Variants in NRG1 observed in about 807,000 individuals in gnomAD.
NRG1 encodes the protein neuregulin 1.
Under a neutral mutation model 63.8 loss-of-function variants are expected in NRG1, and 18 were observed. That is an observed-to-expected ratio of 0.28 (90% CI 0.19 to 0.42). The LOEUF (loss-of-function observed/expected upper bound fraction) is 0.42. NRG1 is among the 10% of genes least tolerant of loss of function. The pLI is 1.00. For missense variants in NRG1, 762 were observed against 814.7 expected, an observed-to-expected ratio of 0.94 and a Z score of 0.79; for synonymous variants, 302 against 301.3, an observed-to-expected ratio of 1.00 and a Z score of -0.02.
chr8:32,647,233 T>TGCC (rs1361510501), intron 5 of NRG1: 16 of 985,222 alleles, frequency 1.6e-5, no homozygotes, highest in Non-Finnish European at 1.9e-5. Flanking sequence ...CTGCCTCTCC[T>TGCC]GCCGCCGCTG....
intron 1 of NRG1, among the ~76,000 whole-genome samples, chr8:32,256,189 A>G (rs971374207): frequency 6.6e-6 from 1 of 152,098 alleles, no homozygotes; most frequent in African/African-American, 2.4e-5. Flanking sequence ...AATTCTGTCA[A>G]TTCATCAAAC....
At chr8:32,105,063 G>A (rs912890951) in intron 1 of NRG1, among the ~76,000 whole-genome samples, 4 of 152,246 alleles carry the variant, frequency 2.6e-5, no homozygotes, top group Non-Finnish European at 4.4e-5. Flanking sequence ...ACTCATACAA[G>A]TGGTAGTGCA....
At chr8:31,835,117 C>A (rs1257533965) in intron 1 of NRG1, among the ~76,000 whole-genome samples, 1 of 152,078 alleles carries the variant, frequency 6.6e-6, no homozygotes, top group Non-Finnish European at 1.5e-5. Flanking sequence ...TTAGTGGATG[C>A]CAGTATACTA....
intron 1 of NRG1, among the ~76,000 whole-genome samples, chr8:31,973,828 G>A (rs1360398565): frequency 1.3e-5 from 2 of 152,150 alleles, no homozygotes; most frequent in Non-Finnish European, 2.9e-5. Flanking sequence ...AACCAGTGAA[G>A]ACTCATTAAG....
chr8:32,442,045 CTT>C (rs1264963482), intron 1 of NRG1, among the ~76,000 whole-genome samples: 2 of 152,106 alleles, frequency 1.3e-5, no homozygotes, highest in Admixed American at 6.6e-5. Flanking sequence ...ATAAAAAAGA[CTT>C]TATCTCACTA....
At chr8:31,676,866 T>C (rs1226402886) in intron 1 of NRG1, among the ~76,000 whole-genome samples, 1 of 152,192 alleles carries the variant, frequency 6.6e-6, no homozygotes, top group African/African-American at 2.4e-5. Context: ...ACATGGGAAG[T>C]TGTAGAAATG....
intron 5 of NRG1, among the ~76,000 whole-genome samples, chr8:32,708,517 A>G (rs938590422): frequency 6.6e-6 from 1 of 152,222 alleles, no homozygotes; most frequent in Admixed American, 6.5e-5. Flanking sequence ...TGAATAAGAC[A>G]TTTGAGTAGG....
chr8:31,847,010 C>T (rs1206826437), intron 1 of NRG1, among the ~76,000 whole-genome samples: 5 of 152,220 alleles, frequency 3.3e-5, no homozygotes, highest in Non-Finnish European at 7.4e-5. Flanking sequence ...ATTTTATTCT[C>T]CTATGTGATT....
At chr8:31,701,565 C>T (rs1221576766) in intron 1 of NRG1, among the ~76,000 whole-genome samples, 2 of 151,828 alleles carry the variant, frequency 1.3e-5, no homozygotes, top group African/African-American at 4.8e-5. Flanking sequence ...AATGTGAGCC[C>T]TGGGTAAGGT....
At chr8:31,978,022 A>G (rs1323494297) in intron 1 of NRG1, among the ~76,000 whole-genome samples, 1 of 152,120 alleles carries the variant, frequency 6.6e-6, no homozygotes, top group African/African-American at 2.4e-5. Flanking sequence ...GCCCTCTCAA[A>G]TGTAACAGGA....
intron 1 of NRG1, among the ~76,000 whole-genome samples, chr8:32,569,526 G>C (rs1244469240): frequency 6.6e-6 from 1 of 152,080 alleles, no homozygotes; most frequent in South Asian, 2.1e-4. Flanking sequence ...AAAAAGAAAA[G>C]ATTATATAGT....
intron 1 of NRG1, among the ~76,000 whole-genome samples, chr8:31,988,290 G>T (rs945669126): frequency 6.6e-6 from 1 of 152,024 alleles, no homozygotes. Context: ...TTCAGAGTTC[G>T]ACCATAACTA....
rs1479411058 is a variant in NRG1, at chr8:32,564,343, A to T, written c.100+15517A>T. 2.6e-5 allele frequency among the ~76,000 whole-genome samples: 4 copies of T among 152,224 alleles called. 1 individual carries two copies. The highest frequency in any genetic ancestry group is 2.6e-4 in the Admixed American group (4 of 15,282). On this transcript the variant is annotated intron_variant, in intron 1 of 11. Coordinates refer to ENST00000356819, the Ensembl canonical transcript of NRG1. ...CCTGGAGGTTCGTTCATTTATTGCCAGGAAAGAATCAATCCCACTTTTTTT... is the reference window on the plus strand; with the variant it reads ...CCTGGAGGTTCGTTCATTTATTGCCTGGAAAGAATCAATCCCACTTTTTTT...
chr8:32,747,363 C>G (rs898902377), intron 7 of NRG1, among the ~76,000 whole-genome samples: 1 of 151,848 alleles, frequency 6.6e-6, no homozygotes, highest in Non-Finnish European at 1.5e-5. Flanking sequence ...CTGGGTCCCA[C>G]CTTCATGGAA....
intron 1 of NRG1, among the ~76,000 whole-genome samples, chr8:32,201,566 T>C (rs909472318): frequency 6.6e-6 from 1 of 152,202 alleles, no homozygotes; most frequent in African/African-American, 2.4e-5. Context: ...TCTCCAGTGA[T>C]AAGGAATTTA....
At chr8:32,615,083 G>T (rs1225666610) in intron 4 of NRG1, among the ~76,000 whole-genome samples, 1 of 152,072 alleles carries the variant, frequency 6.6e-6, no homozygotes, top group East Asian at 1.9e-4. Context: ...GTTTTGGTTG[G>T]TTTCTCACTT....
At chr8:31,709,662 T>C (rs1301452433) in intron 1 of NRG1, among the ~76,000 whole-genome samples, 1 of 152,040 alleles carries the variant, frequency 6.6e-6, no homozygotes, top group Non-Finnish European at 1.5e-5. Context: ...TTCTATATCC[T>C]TTGGGGTCAG....
intron 1 of NRG1, among the ~76,000 whole-genome samples, chr8:31,646,866 C>T (rs908344565): frequency 6.6e-6 from 1 of 152,334 alleles, no homozygotes; most frequent in Admixed American, 6.5e-5. Flanking sequence ...CTTCTCTTCC[C>T]ATCCAGAGCC....
chr8:32,218,930 C>T (rs1287442588), intron 1 of NRG1, among the ~76,000 whole-genome samples: 2 of 152,160 alleles, frequency 1.3e-5, no homozygotes, highest in Non-Finnish European at 2.9e-5. Flanking sequence ...CCCTTAATAA[C>T]TACAGATTCA....
Sources: allele counts gnomAD v4.1 joint callset (sites outside exome capture counted in the v4.1 genomes callset), GRCh38; gene constraint gnomAD v4.1.1; transcripts MANE v1.5; gene names NCBI Gene and HGNC (gene_info 2026-07-23, HGNC 2026-07-21).